Variants in ZNF385B observed in about 807,000 individuals in gnomAD.
ZNF385B encodes zinc finger protein 385B.
A neutral mutation model predicts 39.2 loss-of-function variants in ZNF385B; 23 were observed. That is an observed-to-expected ratio of 0.59 (90% confidence interval 0.42 to 0.83). ZNF385B has a LOEUF of 0.83. Among genes scored for constraint, ZNF385B ranks in the 40% least tolerant of loss-of-function variants. ZNF385B has a pLI of 0.00. For missense variants in ZNF385B, 552 were observed against 598.9 expected, an observed-to-expected ratio of 0.92 and a Z score of 0.82; for synonymous variants, 205 against 222.6, an observed-to-expected ratio of 0.92 and a Z score of 0.70.
At chr2:179,772,442 G>C (rs932052590) in intron 1 of ZNF385B, among the ~76,000 whole-genome samples, 1 of 152,156 alleles carries the variant, frequency 6.6e-6, no homozygotes, top group Non-Finnish European at 1.5e-5. Context: ...ATTAGTCCTA[G>C]TTCTGGCTTC....
chr2:179,720,928 T>TG, intron 3 of ZNF385B, among the ~76,000 whole-genome samples: 1 of 141,632 alleles, frequency 7.1e-6, no homozygotes, highest in African/African-American at 2.6e-5. Flanking sequence ...CCTGGCTGTT[T>TG]TTTTTTTTTT....
At chr2:179,621,182 T>C (rs1190624568) in intron 3 of ZNF385B, among the ~76,000 whole-genome samples, 3 of 152,074 alleles carry the variant, frequency 2.0e-5, no homozygotes, top group Non-Finnish European at 2.9e-5. Context: ...AAGATAACTA[T>C]GCAATTGAGG....
intron 5 of ZNF385B, among the ~76,000 whole-genome samples, chr2:179,501,955 T>C (rs979706624): frequency 8.5e-5 from 13 of 152,216 alleles, no homozygotes; most frequent in Non-Finnish European, 1.3e-4. Flanking sequence ...CTGGTGGATA[T>C]ATATGTTGTT....
chr2:179,612,073 C>T (rs13022986), intron 3 of ZNF385B, among the ~76,000 whole-genome samples: 55,926 of 151,942 alleles, frequency 0.37, 10,816 homozygotes, highest in Middle Eastern at 0.53. Flanking sequence ...GATTCTTAAT[C>T]ATTTTAATTT....
chr2:179,445,801 A>C, intron 7 of ZNF385B, 73 bp from the exon 8 acceptor site: 1 of 1,398,594 alleles, frequency 7.2e-7, no homozygotes, highest in Non-Finnish European at 9.4e-7. Flanking sequence ...CTTATCCTTG[A>C]GAAGTTTACC....
intron 6 of ZNF385B, among the ~76,000 whole-genome samples, chr2:179,451,476 T>C (rs1046890994): frequency 3.3e-5 from 5 of 152,100 alleles, no homozygotes; most frequent in East Asian, 1.9e-4. Context: ...TTAAAACATA[T>C]ACTAAGGGCA....
chr2:179,574,803 A>G (rs1178735509), intron 3 of ZNF385B, among the ~76,000 whole-genome samples: 4 of 152,092 alleles, frequency 2.6e-5, no homozygotes, highest in Non-Finnish European at 5.9e-5. Context: ...GGAAGGAGGG[A>G]TGTTAGGGGG....
At chr2:179,622,338 A>G (rs554943489) in intron 3 of ZNF385B, among the ~76,000 whole-genome samples, 1 of 152,314 alleles carries the variant, frequency 6.6e-6, no homozygotes, top group Admixed American at 6.5e-5. Context: ...TGGTATAAAC[A>G]GTAAGCCCAT....
At chr2:179,478,389 G>A (rs758481037) in intron 6 of ZNF385B, among the ~76,000 whole-genome samples, 18 of 152,126 alleles carry the variant, frequency 1.2e-4, no homozygotes, top group African/African-American at 2.9e-4. Context: ...TATCAAGTTC[G>A]TTGCATGAAT....
chr2:179,483,287 T>G lies in ZNF385B; in HGVS notation c.700A>C (p.Asn234His). Reference sequence around the variant, plus strand: ...TGTCATTGACCTGATTTGTCAGAGTTGTTGCCTGTGATTGGAGTGATGGAG... The same window carrying G: ...TGTCATTGACCTGATTTGTCAGAGTGGTTGCCTGTGATTGGAGTGATGGAG... Reference protein sequence around the residue: ...SCSITPITGNNSDKSEDKGKL... With the variant: ...SCSITPITGNHSDKSEDKGKL... The change falls in exon 6 of 10, where the codon AAC becomes CAC. Residue 234 changes from asparagine to histidine, a missense_variant. Transcript: ENST00000410066. 6.2e-7 allele frequency: 1 copy of G among 1,613,980 alleles called. No individual in the cohort carries two copies. The highest frequency in any genetic ancestry group is 8.5e-7 in the Non-Finnish European group (1 of 1,179,910).
intron 3 of ZNF385B, among the ~76,000 whole-genome samples, chr2:179,762,097 G>A (rs1414299271): frequency 6.6e-6 from 1 of 152,078 alleles, no homozygotes; most frequent in Admixed American, 6.6e-5. Context: ...TGCTGAAAAT[G>A]TGTGTTGGGT....
intron 1 of ZNF385B, among the ~76,000 whole-genome samples, chr2:179,780,381 C>G (rs1704597081): frequency 6.6e-6 from 1 of 152,160 alleles, no homozygotes; most frequent in African/African-American, 2.4e-5. Context: ...GATGGGGCCT[C>G]CTGACCCACA....
chr2:179,728,926 T>G (rs1701195992), intron 3 of ZNF385B, among the ~76,000 whole-genome samples: 1 of 152,028 alleles, frequency 6.6e-6, no homozygotes, highest in Non-Finnish European at 1.5e-5. Context: ...CTTTTTAAAT[T>G]TTTCTTAAAT....
chr2:179,771,568 T>C (rs1300731083), intron 1 of ZNF385B, among the ~76,000 whole-genome samples: 1 of 152,220 alleles, frequency 6.6e-6, no homozygotes, highest in Non-Finnish European at 1.5e-5. Flanking sequence ...AAGCAGTTCC[T>C]GTAGCTAAGC....
chr2:179,671,050 C>T (rs1282334631), intron 3 of ZNF385B, among the ~76,000 whole-genome samples: 1 of 152,228 alleles, frequency 6.6e-6, no homozygotes, highest in Admixed American at 6.5e-5. Context: ...ACATGTGAAG[C>T]ACTTGCAACA....
At chr2:179,784,567 C>T (rs1704875913) in intron 1 of ZNF385B, among the ~76,000 whole-genome samples, 1 of 151,880 alleles carries the variant, frequency 6.6e-6, no homozygotes, top group Non-Finnish European at 1.5e-5. Context: ...ATTTGCAATA[C>T]ATATATACAA....
intron 5 of ZNF385B, among the ~76,000 whole-genome samples, chr2:179,512,849 G>A (rs571640035): frequency 7.9e-5 from 12 of 152,322 alleles, no homozygotes; most frequent in Middle Eastern, 3.4e-3. Context: ...TTTGGGAAAT[G>A]TTTGTGATTA....
At chr2:179,455,467 G>T (rs529911546) in intron 6 of ZNF385B, among the ~76,000 whole-genome samples, 8 of 151,980 alleles carry the variant, frequency 5.3e-5, no homozygotes, top group Non-Finnish European at 1.2e-4. Flanking sequence ...CCTTTTGCTC[G>T]GCACGTCTCC....
At chr2:179,644,963 A>T (rs1692588020) in intron 3 of ZNF385B, among the ~76,000 whole-genome samples, 1 of 152,244 alleles carries the variant, frequency 6.6e-6, no homozygotes, top group African/African-American at 2.4e-5. Flanking sequence ...TGTTTTAAAA[A>T]TGTAACATAT....
Sources: gnomAD v4.1 joint callset for allele counts (sites outside exome capture counted in the v4.1 genomes callset) on GRCh38, gnomAD v4.1.1 for gene constraint, MANE v1.5 for transcripts, NCBI Gene and HGNC (gene_info 2026-07-23, HGNC 2026-07-21) for gene names.